The following DENND1B variants were observed in gnomAD, a reference collection of about 807,000 sequenced individuals.
DENND1B encodes DENN domain-containing protein 1B.
DENND1B carries 59 observed loss-of-function variants against 90.1 expected under a neutral mutation model. That is an observed-to-expected ratio of 0.65 (90% CI 0.53 to 0.81). The LOEUF is 0.81. Among genes scored for constraint, DENND1B ranks in the 40% least tolerant of loss-of-function variants. The pLI, the probability that DENND1B is intolerant of heterozygous loss-of-function variation, is 0.00. For missense variants in DENND1B, 862 were observed against 912.6 expected (o/e 0.94, Z 0.71); for synonymous variants, 337 against 324.6 (o/e 1.04, Z -0.41).
intron 10 of DENND1B, among the ~76,000 whole-genome samples, chr1:197,621,723 A>G (rs1678186666): frequency 6.6e-6 from 1 of 151,344 alleles, no homozygotes. Flanking sequence ...TCCTCACGAA[A>G]GCAGAGAAAA....
At chr1:197,761,999 T>A (rs563268542) in intron 2 of DENND1B, 4 of 152,196 alleles carry the variant, frequency 2.6e-5, no homozygotes, top group Non-Finnish European at 5.9e-5. Context: ...ACATTCAATT[T>A]TTTTTAAGAT....
chr1:197,592,034 G>A (rs182048969), intron 14 of DENND1B, among the ~76,000 whole-genome samples: 102 of 149,714 alleles, frequency 6.8e-4, no homozygotes, highest in African/African-American at 2.4e-3. Context: ...GCATGAACCC[G>A]GGAGGTGGAG....
At chr1:197,557,605 G>C (rs1451060084) in intron 15 of DENND1B, among the ~76,000 whole-genome samples, 1 of 151,860 alleles carries the variant, frequency 6.6e-6, no homozygotes, top group Non-Finnish European at 1.5e-5. Flanking sequence ...TACACAATGA[G>C]TGAAAATGTT....
chr1:197,704,559 A>C (rs1023794571), intron 3 of DENND1B, among the ~76,000 whole-genome samples: 15 of 152,126 alleles, frequency 9.9e-5, no homozygotes, highest in Admixed American at 7.2e-4. Context: ...ACTGTATCAA[A>C]AAAAGAAAAA....
intron 2 of DENND1B, chr1:197,746,765 T>C (rs1663795398): frequency 7.1e-7 from 1 of 1,412,482 alleles, no homozygotes; most frequent in Non-Finnish European, 1.0e-6. Context: ...ATATCCCATG[T>C]CACTTTGGGT....
At chr1:197,622,027 G>A (rs750959372) in intron 10 of DENND1B, among the ~76,000 whole-genome samples, 3 of 151,278 alleles carry the variant, frequency 2.0e-5, no homozygotes, top group Non-Finnish European at 4.4e-5. Flanking sequence ...AAGTATATAT[G>A]GGAATCATGA....
rs541512401 is a variant in DENND1B at position 197,584,071 on chromosome 1, T to A, written c.1048-818A>T. ...CAGATGAATAAAAATGATTCCTTCA[T>A]TACAATGCACCTTGTAGCAATATTT... On this transcript the variant is annotated intron_variant, in intron 14 of 22. Coordinates refer to ENST00000620048, the MANE Select transcript of DENND1B (RefSeq NM_001195215.2). Among the ~76,000 whole-genome samples, 65 of 152,214 alleles carry A rather than the reference T, an allele frequency of 4.3e-4. No homozygotes were observed. The South Asian group carries it at 0.011, about 25-fold the overall frequency.
chr1:197,726,560 A>G (rs1417880867), intron 2 of DENND1B, among the ~76,000 whole-genome samples: 1 of 152,226 alleles, frequency 6.6e-6, no homozygotes, highest in African/African-American at 2.4e-5. Context: ...AAGCACTAAA[A>G]CAAGGTCTAG....
chr1:197,634,170 G>A (rs575442575), intron 10 of DENND1B, among the ~76,000 whole-genome samples: 1 of 152,280 alleles, frequency 6.6e-6, no homozygotes, highest in Admixed American at 6.5e-5. Context: ...CCTAAGACTA[G>A]TAGCTGCTTT....
At chr1:197,551,972 A>G (rs933926336) in intron 16 of DENND1B, among the ~76,000 whole-genome samples, 2 of 152,134 alleles carry the variant, frequency 1.3e-5, no homozygotes, top group South Asian at 2.1e-4. Context: ...TACATCAGAT[A>G]AAGGTCCGCA....
chr1:197,718,359 A>G (rs1660838744), intron 2 of DENND1B, among the ~76,000 whole-genome samples: 1 of 149,634 alleles, frequency 6.7e-6, no homozygotes, highest in Admixed American at 6.8e-5. Flanking sequence ...GAACATTTGA[A>G]CTCAACTTGA....
chr1:197,705,953 G>A lies in DENND1B; in HGVS notation c.126+9078C>T, dbSNP rs182983475. Among the ~76,000 whole-genome samples the A allele has an allele frequency of 1.9e-4, 29 of 152,128 alleles. No homozygotes were observed. In the East Asian group the frequency reaches 2.3e-3, roughly 12 times the overall value. Reference sequence around the variant, plus strand: ...ACCATGGTCAAAGGTTGTACTAGACGTAATTAATATTTATCACGCCCATTT... The same window carrying A: ...ACCATGGTCAAAGGTTGTACTAGACATAATTAATATTTATCACGCCCATTT... On this transcript the variant is annotated intron_variant, in intron 3 of 22. Transcript: ENST00000620048.
At chr1:197,742,482 T>C (rs977181595) in intron 2 of DENND1B, among the ~76,000 whole-genome samples, 3 of 152,194 alleles carry the variant, frequency 2.0e-5, no homozygotes, top group Non-Finnish European at 2.9e-5. Flanking sequence ...ATTAAAGTGA[T>C]AGGAGACTTC....
At position 197,583,168 on chromosome 1, in the gene DENND1B, AG is replaced by A; in HGVS notation, c.1132del (p.Leu378SerfsTer15). Reference protein sequence around the residue: ...MKQFLETAINLQLFKQFIDGR... With the variant: ...MKQFLETAINXQLFKQFIDGR... ...CACTCTTACCTGCTTAAAAAGCTGG[AG>A]GTTAATGGCAGTTTCCAGGAACTGT... On this transcript the variant is annotated frameshift_variant, in exon 15 of 23. Transcript: ENST00000620048. LOFTEE classifies it high-confidence loss of function. 2.5e-6 allele frequency: 4 copies of A among 1,613,812 alleles called. No homozygotes were observed. The highest frequency in any genetic ancestry group is 3.4e-6 in the Non-Finnish European group (4 of 1,179,762).
chr1:197,732,828 T>C (rs1008785319), intron 2 of DENND1B, among the ~76,000 whole-genome samples: 8 of 152,172 alleles, frequency 5.3e-5, no homozygotes, highest in African/African-American at 1.9e-4. Flanking sequence ...ATTCTTGGTA[T>C]TGACAATGCC....
chr1:197,550,010 C>T (rs1671097327), intron 16 of DENND1B, among the ~76,000 whole-genome samples: 1 of 152,026 alleles, frequency 6.6e-6, no homozygotes, highest in Non-Finnish European at 1.5e-5. Context: ...TTTATCATAA[C>T]CATCGGCATT....
intron 2 of DENND1B, among the ~76,000 whole-genome samples, chr1:197,739,963 T>C (rs1168568647): frequency 1.3e-5 from 2 of 152,236 alleles, no homozygotes; most frequent in African/African-American, 4.8e-5. Flanking sequence ...TTCCTTTCAG[T>C]TACCCTATGA....
intron 3 of DENND1B, among the ~76,000 whole-genome samples, chr1:197,681,159 T>C (rs1231729011): frequency 1.3e-5 from 2 of 152,146 alleles, no homozygotes; most frequent in African/African-American, 4.8e-5. Flanking sequence ...TTATACTGAA[T>C]AACTTATCTG....
chr1:197,750,190 G>A (rs552139538), intron 2 of DENND1B, among the ~76,000 whole-genome samples: 1 of 152,214 alleles, frequency 6.6e-6, no homozygotes, highest in Admixed American at 6.5e-5. Flanking sequence ...GACAGCAATA[G>A]CACAAAGGAA....
Sources: allele counts gnomAD v4.1 joint callset (sites outside exome capture counted in the v4.1 genomes callset), GRCh38; gene constraint gnomAD v4.1.1; transcripts MANE v1.5; gene names NCBI Gene and HGNC (gene_info 2026-07-23, HGNC 2026-07-21).